Variants in REPS1 observed in about 807,000 individuals in gnomAD.
REPS1 encodes ralBP1-associated Eps domain-containing protein 1.
REPS1 carries 39 observed loss-of-function variants against 100.9 expected under a neutral mutation model. That is an observed-to-expected ratio of 0.39 (90% CI 0.30 to 0.50). The LOEUF (loss-of-function observed/expected upper bound fraction) is 0.50. REPS1 is among the 20% of genes least tolerant of loss of function. The probability of loss-of-function intolerance (pLI) is 0.86; values close to 1 mark genes in which losing one functional copy is unlikely to be tolerated. For missense variants in REPS1, 821 were observed against 968.5 expected, an observed-to-expected ratio of 0.85 and a Z score of 2.02; for synonymous variants, 324 against 340.3, an observed-to-expected ratio of 0.95 and a Z score of 0.53.
At chr6:138,975,845 A>T (rs1784574476) in intron 1 of REPS1, among the ~76,000 whole-genome samples, 2 of 152,202 alleles carry the variant, frequency 1.3e-5, no homozygotes, top group Non-Finnish European at 2.9e-5. Context: ...AAAAAAATAA[A>T]AAAACCTTCA....
chr6:138,920,913 T>C (rs1173220040), intron 11 of REPS1, 124 bp downstream of exon 11: 2 of 680,636 alleles, frequency 2.9e-6, no homozygotes, highest in Non-Finnish European at 5.1e-6. Context: ...CATGAACATA[T>C]ACATAATTGT....
rs2128417375 is a variant in REPS1, at chr6:138,903,752, A to G, written c.*1312T>C. The G allele has an allele frequency of 1.3e-5, 2 of 152,320 alleles. No homozygotes were observed. Among genetic ancestry groups the G allele is most frequent in the East Asian group, 3.9e-4 (2 of 5,190 alleles). 9.4% of individuals were successfully genotyped at this position (152,320 alleles called of 1,614,324 possible). ...GCTTTAAATTTATTATTTAACAACT[A>G]AAGCCATACTGAAAGCCACTTGGAA... On this transcript the variant is annotated 3_prime_UTR_variant, in exon 20 of 20. Coordinates refer to ENST00000450536, the MANE Select transcript of REPS1 (RefSeq NM_001286611.2).
intron 15 of REPS1, among the ~76,000 whole-genome samples, chr6:138,914,070 G>A (rs975753439): frequency 1.3e-5 from 2 of 151,922 alleles, no homozygotes; most frequent in Non-Finnish European, 2.9e-5. Context: ...GTTATTTAGG[G>A]GTATTTTGTT....
rs1780088233 is a variant in REPS1, at chr6:138,912,712, T to A, written c.1971+53A>T. On this transcript the variant is annotated intron_variant, in intron 16 of 19. Coordinates refer to ENST00000450536, the MANE Select transcript of REPS1 (RefSeq NM_001286611.2). ...TAATATCTGCTCTGTTGACACAACA[T>A]GGTATGGGAAGTGACTGCCTGCAGA... The A allele has an allele frequency of 2.0e-6, 3 of 1,515,338 alleles. No homozygotes were observed. The East Asian group carries it at 6.8e-5, about 34-fold the overall frequency. The allele number at this position is 1,515,338 out of a possible 1,614,324, so 93.9% of individuals were successfully genotyped here.
intron 10 of REPS1, among the ~76,000 whole-genome samples, chr6:138,924,439 CAACT>C (rs890915831): frequency 2.0e-5 from 3 of 152,264 alleles, no homozygotes; most frequent in South Asian, 2.1e-4. Context: ...GCTACTCAAC[CAACT>C]ATTTCTCTAC....
chr6:138,912,621 T>C (rs1005811007), intron 16 of REPS1, 144 bp downstream of exon 16: 7 of 765,916 alleles, frequency 9.1e-6, no homozygotes, highest in African/African-American at 3.5e-5. Flanking sequence ...CCAGCAGATA[T>C]TGGAGGCCAA....
In REPS1 at chr6:138,918,203, G is replaced by C. The variant is rs372271555; in HGVS notation, c.1529-576C>G. On this transcript the variant is annotated intron_variant, in intron 12 of 19. Coordinates refer to ENST00000450536, the MANE Select transcript of REPS1 (RefSeq NM_001286611.2). ...TGGGTTTAAGCAATCCTCCTGCCTT[G>C]ATTTCCCAAAGTGCTGGGATTACAG... Among the ~76,000 whole-genome samples the C allele has an allele frequency of 2.0e-5, 3 of 152,114 alleles. 1 individual carries two copies.
chr6:138,952,834 G>T (rs865864691), intron 1 of REPS1, among the ~76,000 whole-genome samples: 2,153 of 141,226 alleles, frequency 0.015, 12 homozygotes, highest in Non-Finnish European at 0.018. Flanking sequence ...TTTTGTTTTT[G>T]TTTTTTTTTT....
At chr6:138,928,357 T>A (rs1390071690) in intron 9 of REPS1, 2 of 152,208 alleles carry the variant, frequency 1.3e-5, no homozygotes, top group Non-Finnish European at 2.9e-5. Context: ...TAAATAAATC[T>A]ATGTTGAAAG....
intron 1 of REPS1, among the ~76,000 whole-genome samples, chr6:138,952,828 G>GTT (rs750091781): frequency 2.1e-5 from 3 of 145,338 alleles, no homozygotes; most frequent in African/African-American, 7.7e-5. Context: ...ATAGTTTTTT[G>GTT]TTTTTGTTTT....
Position 138,930,045 on chromosome 6 carries a change from G to A in REPS1, c.1189C>T (p.Pro397Ser). Residue 397 changes from proline to serine, a missense_variant, in exon 9 of 20, where the codon CCT becomes TCT. Around this residue, in one of 3 missense-constraint regions of REPS1, gnomAD observed 757 missense variants for 866.4 expected, o/e 0.87. Coordinates refer to ENST00000450536, the MANE Select transcript of REPS1 (RefSeq NM_001286611.2). ...VGYSGSPAEA[P>S]PSKSPSMPSL... Reference sequence around the variant, plus strand: ...GGCATCGATGGTGACTTGCTTGGAGGAGCTTCAGCAGGAGAGCCTGAATAA... The same window carrying A: ...GGCATCGATGGTGACTTGCTTGGAGAAGCTTCAGCAGGAGAGCCTGAATAA... The A allele has an allele frequency of 6.2e-7, 1 of 1,613,640 alleles. No individual in the cohort carries two copies. Among genetic ancestry groups the A allele is most frequent in the Non-Finnish European group, 8.5e-7 (1 of 1,179,648 alleles).
chr6:138,911,950 T>C (rs1372980036), intron 16 of REPS1, among the ~76,000 whole-genome samples: 1 of 152,088 alleles, frequency 6.6e-6, no homozygotes, highest in East Asian at 1.9e-4. Flanking sequence ...TGGGAAGTCT[T>C]CGTGGTTGGG....
At chr6:138,983,808 CCTGAA>C (rs1219078768) in intron 1 of REPS1, among the ~76,000 whole-genome samples, 1 of 152,152 alleles carries the variant, frequency 6.6e-6, no homozygotes, top group Non-Finnish European at 1.5e-5. Flanking sequence ...AACCTCTGAA[CCTGAA>C]CTGCTGTAAG....
At chr6:138,926,563 T>C (rs750029035) in intron 9 of REPS1, 82 bp from the exon 10 acceptor site, 284 of 938,166 alleles carry the variant, frequency 3.0e-4, no homozygotes, top group Non-Finnish European at 4.4e-4. Context: ...GCAAAGTAAT[T>C]CAGAGGTTGC....
chr6:138,923,073 A>C (rs878997925), intron 10 of REPS1, among the ~76,000 whole-genome samples: 1 of 152,226 alleles, frequency 6.6e-6, no homozygotes, highest in Non-Finnish European at 1.5e-5. Context: ...CATTTGCCCT[A>C]CAACTCAAAA....
intron 1 of REPS1, among the ~76,000 whole-genome samples, chr6:138,959,149 G>A (rs975347006): frequency 6.6e-6 from 1 of 152,202 alleles, no homozygotes; most frequent in African/African-American, 2.4e-5. Flanking sequence ...AAGTCCTGAA[G>A]CATGTTTTGA....
Position 138,959,119 on chromosome 6 carries a change from T to G in REPS1, c.154-11206A>C, listed in dbSNP as rs1783578780. On this transcript the variant is annotated intron_variant, in intron 1 of 19. Coordinates refer to ENST00000450536, the MANE Select transcript of REPS1 (RefSeq NM_001286611.2). ...TTTTGCCAGGATAATGTCAGCTTCC[T>G]CAGGGCAAGTACCCCCAAGAAGTCC... Among the ~76,000 whole-genome samples, 3 of 152,164 alleles carry G rather than the reference T, an allele frequency of 2.0e-5. No homozygotes were observed. The South Asian group carries it at 6.2e-4, about 32-fold the overall frequency.
Position 138,907,536 on chromosome 6 carries a change from C to T in REPS1, c.2281G>A (p.Val761Ile), listed in dbSNP as rs780634706. The T allele has an allele frequency of 1.2e-5, 19 of 1,613,416 alleles. No individual in the cohort carries two copies. Among genetic ancestry groups the T allele is most frequent in the Non-Finnish European group, 1.3e-5 (15 of 1,179,664 alleles). Residue 761 changes from valine (V) to isoleucine (I), a missense_variant, in exon 19 of 20, where the codon GTT becomes ATT. This residue lies in a region of REPS1 where 757 missense variants were observed against 866.4 expected (regional missense o/e 0.87). Coordinates refer to ENST00000450536, the MANE Select transcript of REPS1 (RefSeq NM_001286611.2). ...AATTCGCTATTCAATCTGGCCAAAA[C>T]GGTGTTGGTTTCCTTATTACGTCTA... Reference protein sequence around the residue: ...SIRRNKETNTVLARLNSELQQ... With the variant: ...SIRRNKETNTILARLNSELQQ...
chr6:138,984,856 A>C (rs753780500), intron 1 of REPS1, among the ~76,000 whole-genome samples: 28 of 152,158 alleles, frequency 1.8e-4, no homozygotes, highest in Non-Finnish European at 3.1e-4. Context: ...ATTAAACATT[A>C]TTCCACAAAG....
Sources: allele counts gnomAD v4.1 joint callset (sites outside exome capture counted in the v4.1 genomes callset), GRCh38; gene constraint gnomAD v4.1.1; regional missense constraint gnomAD v4.1.1; transcripts MANE v1.5; gene names NCBI Gene and HGNC (gene_info 2026-07-23, HGNC 2026-07-21).